MCF2L2: variants seen among roughly 807,000 people sequenced by gnomAD.
MCF2L2 encodes the protein probable guanine nucleotide exchange factor MCF2L2.
In MCF2L2, 102 loss-of-function variants were observed where a neutral mutation model predicts 150.2. That is an observed-to-expected ratio of 0.68 (90% CI 0.58 to 0.80). MCF2L2 has a LOEUF of 0.80. Among genes scored for constraint, MCF2L2 ranks in the 30% least tolerant of loss-of-function variants. The pLI is 0.00. For synonymous variants in MCF2L2, 465 were observed against 491.3 expected, an observed-to-expected ratio of 0.95 and a Z score of 0.71; for missense variants, 1,256 against 1,372.8, an observed-to-expected ratio of 0.91 and a Z score of 1.34.
At chr3:183,202,942 C>T (rs1431958976) in intron 25 of MCF2L2, among the ~76,000 whole-genome samples, 1 of 152,228 alleles carries the variant, frequency 6.6e-6, no homozygotes, top group Non-Finnish European at 1.5e-5. Flanking sequence ...GGTGCAGTGG[C>T]TCATGCCTGT....
At chr3:183,365,478 G>A (rs181231056) in intron 3 of MCF2L2, among the ~76,000 whole-genome samples, 18 of 152,312 alleles carry the variant, frequency 1.2e-4, no homozygotes, top group African/African-American at 1.9e-4. Flanking sequence ...GCTCATTTAT[G>A]AATAGACAGA....
chr3:183,314,923 T>C (rs145663004), intron 7 of MCF2L2, among the ~76,000 whole-genome samples: 26 of 484 alleles, frequency 0.054, 3 homozygotes, highest in African/African-American at 0.21. Context: ...TTTTTTTTTT[T>C]TTTTTTTTTT....
At chr3:183,317,119 T>G (rs2108514917) in intron 7 of MCF2L2, among the ~76,000 whole-genome samples, 1 of 152,326 alleles carries the variant, frequency 6.6e-6, no homozygotes. Flanking sequence ...CTAACTAGAC[T>G]GTGTTCGTTA....
chr3:183,233,860 A>G lies in MCF2L2; in HGVS notation c.1863-2843T>C, dbSNP rs140523769. ...ATGTAAACCCTATTTGATAGATATAAATAAATAATACAATTCACATATTTT... is the reference window on the plus strand; with the variant it reads ...ATGTAAACCCTATTTGATAGATATAGATAAATAATACAATTCACATATTTT... On this transcript the variant is annotated intron_variant, in intron 15 of 29. Transcript: ENST00000328913. Among the ~76,000 whole-genome samples the G allele has an allele frequency of 3.1e-3, 475 of 152,324 alleles. 3 individuals carry two copies. The highest frequency in any genetic ancestry group is 0.011 in the African/African-American group (465 of 41,558).
chr3:183,228,877 G>A lies in MCF2L2; in HGVS notation c.2046-511C>T, dbSNP rs900692518. Among the ~76,000 whole-genome samples, 8 of 152,082 alleles carry A rather than the reference G, an allele frequency of 5.3e-5. No homozygotes were observed. The South Asian group carries it at 1.5e-3, about 28-fold the overall frequency. ...AAGCCAGGCATAAGCTAAGTGCTCC[G>A]CAAATAGTATCTCATTTAATCCTCA... On this transcript the variant is annotated intron_variant, in intron 17 of 29. Transcript: ENST00000328913.
Position 183,427,980 on chromosome 3 carries a change from C to A in MCF2L2, c.-3G>T. On this transcript the variant is annotated 5_prime_UTR_variant, in exon 1 of 30. An upstream open reading frame in the 5' UTR loses its in-frame stop. Coordinates refer to ENST00000328913, the MANE Select transcript of MCF2L2 (RefSeq NM_015078.4). ...TCTTCTTTTAAGCAAGACAGCATTTCACTGAAAAACCATTCCGTATAAATA... is the reference window on the plus strand; with the variant it reads ...TCTTCTTTTAAGCAAGACAGCATTTAACTGAAAAACCATTCCGTATAAATA... 1 of 1,611,720 alleles carries A rather than the reference C, an allele frequency of 6.2e-7. No homozygotes were observed. The highest frequency in any genetic ancestry group is 8.5e-7 in the Non-Finnish European group (1 of 1,177,892).
rs892876013 is a variant in MCF2L2, at chr3:183,277,036, T to G, written c.1777-79A>C. The G allele has an allele frequency of 1.6e-5, 16 of 995,602 alleles. No homozygotes were observed. In the Middle Eastern group the frequency reaches 9.5e-4, roughly 59 times the overall value. 61.7% of individuals were successfully genotyped at this position (995,602 alleles called of 1,614,324 possible). ...ATATTTTTCTCTCTCCCAATTTCTG[T>G]GTTTGATTTTGGTTTTGAGTCTCTC... On this transcript the variant is annotated intron_variant, in intron 14 of 29. Coordinates refer to ENST00000328913, the MANE Select transcript of MCF2L2 (RefSeq NM_015078.4).
At chr3:183,284,829 A>G (rs1164678837) in intron 14 of MCF2L2, among the ~76,000 whole-genome samples, 4 of 152,180 alleles carry the variant, frequency 2.6e-5, no homozygotes, top group African/African-American at 7.2e-5. Flanking sequence ...ACAAGAAACC[A>G]TGAGAATCTT....
At chr3:183,195,397 T>C in intron 25 of MCF2L2, 142 bp from the exon 26 acceptor site, 1 of 592,494 alleles carries the variant, frequency 1.7e-6, no homozygotes, top group Admixed American at 3.5e-5. Context: ...TTGATCATAT[T>C]TTCCCAGGAA....
intron 7 of MCF2L2, among the ~76,000 whole-genome samples, chr3:183,314,695 A>G (rs2108512411): frequency 6.6e-6 from 1 of 151,744 alleles, no homozygotes; most frequent in East Asian, 2.0e-4. Flanking sequence ...ATAGATAATT[A>G]AATAGATATA....
intron 5 of MCF2L2, among the ~76,000 whole-genome samples, chr3:183,336,051 T>C (rs1003712183): frequency 2.6e-5 from 4 of 152,236 alleles, no homozygotes; most frequent in African/African-American, 7.2e-5. Context: ...GATTGTGGAC[T>C]TCCCAACCTC....
intron 15 of MCF2L2, among the ~76,000 whole-genome samples, chr3:183,269,068 C>A (rs750644143): frequency 6.6e-6 from 1 of 151,930 alleles, no homozygotes; most frequent in Non-Finnish European, 1.5e-5. Flanking sequence ...CTGGGGCAAG[C>A]CTTAATGGAT....
At chr3:183,291,709 T>C (rs1370042734) in intron 13 of MCF2L2, among the ~76,000 whole-genome samples, 1 of 152,248 alleles carries the variant, frequency 6.6e-6, no homozygotes, top group Non-Finnish European at 1.5e-5. Context: ...CCACACTCAG[T>C]AGATACTTAC....
rs1200931083 is a variant in MCF2L2, at chr3:183,270,616, A to G, written c.1862+6256T>C. On this transcript the variant is annotated intron_variant, in intron 15 of 29. Transcript: ENST00000328913. The surrounding 1 kb of genome is among the most constrained non-coding windows in gnomAD (Gnocchi z 4.5). Reference sequence around the variant, plus strand: ...GCTGCCAAAGTCTATGAGGCATCACAGACACTAAATTCAAGTCTTTACATA... The same window carrying G: ...GCTGCCAAAGTCTATGAGGCATCACGGACACTAAATTCAAGTCTTTACATA... 2 of 1,614,208 alleles carry G rather than the reference A, an allele frequency of 1.2e-6. No individual in the cohort carries two copies. The highest frequency in any genetic ancestry group is 4.5e-5 in the East Asian group (2 of 44,892).
chr3:183,407,595 GA>G (rs1352488835), intron 1 of MCF2L2, among the ~76,000 whole-genome samples: 4 of 152,092 alleles, frequency 2.6e-5, no homozygotes, highest in African/African-American at 9.7e-5. Flanking sequence ...CAAAGCCACA[GA>G]AAATGACCAG....
At chr3:183,277,260 C>T (rs1209341771) in intron 14 of MCF2L2, among the ~76,000 whole-genome samples, 2 of 151,052 alleles carry the variant, frequency 1.3e-5, no homozygotes, top group African/African-American at 2.4e-5. Flanking sequence ...TTGCTCGAAC[C>T]TGGGAGGCGG....
At chr3:183,400,537 T>C (rs1457756118) in intron 1 of MCF2L2, 1 of 453,796 alleles carries the variant, frequency 2.2e-6, no homozygotes, top group Admixed American at 2.4e-5. Context: ...TCCATTTCTC[T>C]CTAGGCACTG....
intron 10 of MCF2L2, among the ~76,000 whole-genome samples, chr3:183,308,087 C>T (rs560242389): frequency 6.6e-6 from 1 of 152,284 alleles, no homozygotes; most frequent in South Asian, 2.1e-4. Context: ...TTTTATATCA[C>T]TTGTTACTAT....
Position 183,238,230 on chromosome 3 carries a change from A to AT in MCF2L2, c.1863-7214dup, listed in dbSNP as rs535356004. On this transcript the variant is annotated intron_variant, in intron 15 of 29. Coordinates refer to ENST00000328913, the MANE Select transcript of MCF2L2 (RefSeq NM_015078.4). ...GTAAACTTTCTTAAAACGTTATGAG[A>AT]TTTTTTTTGCGATTTTTTTTTTTTT... 3.0e-4 allele frequency among the ~76,000 whole-genome samples: 42 copies of AT among 137,846 alleles called. 2 individuals carry two copies. The East Asian group carries it at 8.1e-3, about 27-fold the overall frequency. The allele number at this position is 137,846 out of a possible 152,430, so 90.4% of individuals were successfully genotyped here.
Sources: gnomAD v4.1 joint callset for allele counts (sites outside exome capture counted in the v4.1 genomes callset) on GRCh38, gnomAD v4.1.1 for gene constraint, Gnocchi (gnomAD v3.1) non-coding constraint, MANE v1.5 for transcripts, NCBI Gene and HGNC (gene_info 2026-07-23, HGNC 2026-07-21) for gene names.